ARFGEF1: variants seen among roughly 807,000 people sequenced by gnomAD.
ARFGEF1 encodes the protein brefeldin A-inhibited guanine nucleotide-exchange protein 1.
A neutral mutation model predicts 231.0 loss-of-function variants in ARFGEF1; 42 were observed. The ratio of observed to expected loss-of-function variants is 0.18; its 90% confidence interval spans 0.14 to 0.24. The LOEUF (loss-of-function observed/expected upper bound fraction) is 0.24, where lower values mean the gene tolerates loss of function less well. Among genes scored for constraint, ARFGEF1 ranks in the 10% least tolerant of loss-of-function variants. The pLI is 1.00. For missense variants in ARFGEF1, 1,345 were observed against 2,192.0 expected, an observed-to-expected ratio of 0.61 and a Z score of 7.72; for synonymous variants, 710 against 732.3, an observed-to-expected ratio of 0.97 and a Z score of 0.49.
chr8:67,228,818 GCTTTGCCCATTCTT>G (rs1310653178), intron 23 of ARFGEF1, among the ~76,000 whole-genome samples: 1 of 152,040 alleles, frequency 6.6e-6, no homozygotes, highest in Non-Finnish European at 1.5e-5. Context: ...ACACTGCCCA[GCTTTGCCCATTCTT>G]CTTTGCTGAG....
At chr8:67,234,911 A>G (rs949772441) in intron 22 of ARFGEF1, among the ~76,000 whole-genome samples, 2 of 152,002 alleles carry the variant, frequency 1.3e-5, no homozygotes, top group African/African-American at 4.8e-5. Flanking sequence ...GTCAAGGCAA[A>G]CTTGACACGC....
intron 38 of ARFGEF1, chr8:67,199,376 G>A (rs1389106040): frequency 3.4e-6 from 1 of 294,656 alleles, no homozygotes; most frequent in Admixed American, 5.3e-5. Context: ...TGGGTAATAA[G>A]CAGCAGGCAA....
intron 1 of ARFGEF1, among the ~76,000 whole-genome samples, chr8:67,305,111 T>C (rs1806678605): frequency 6.6e-6 from 1 of 152,132 alleles, no homozygotes; most frequent in South Asian, 2.1e-4. Flanking sequence ...AATGAAACAT[T>C]TTAAAGAGCA....
intron 1 of ARFGEF1, among the ~76,000 whole-genome samples, chr8:67,304,540 G>A (rs1176425636): frequency 6.6e-6 from 1 of 152,176 alleles, no homozygotes. Context: ...GAAAATATAT[G>A]TGTGGGCTGG....
intron 34 of ARFGEF1, among the ~76,000 whole-genome samples, chr8:67,209,352 T>C (rs1838639665): frequency 6.6e-6 from 1 of 152,244 alleles, no homozygotes; most frequent in African/African-American, 2.4e-5. Context: ...TATGATTCCA[T>C]TTATATGAAA....
rs148207759 is a variant in ARFGEF1, at chr8:67,231,174, C to T, written c.3380+1681G>A. Among the ~76,000 whole-genome samples the T allele has an allele frequency of 6.0e-4, 92 of 152,070 alleles. 2 individuals carry two copies. The East Asian group carries it at 0.015, about 26-fold the overall frequency. ...GTTGGGTAATGGACCAAAGTTTGAA[C>T]ATAACGATATGAAAATAAACTCAGA... On this transcript the variant is annotated intron_variant, in intron 23 of 38. Coordinates refer to ENST00000262215, the MANE Select transcript of ARFGEF1 (RefSeq NM_006421.5).
chr8:67,206,887 A>G (rs1213554760), intron 34 of ARFGEF1, among the ~76,000 whole-genome samples: 1 of 152,206 alleles, frequency 6.6e-6, no homozygotes, highest in African/African-American at 2.4e-5. Context: ...AAAACATTTT[A>G]CTACAAATTC....
intron 1 of ARFGEF1, among the ~76,000 whole-genome samples, chr8:67,310,800 G>T (rs1192361342): frequency 6.6e-6 from 1 of 151,768 alleles, no homozygotes; most frequent in Non-Finnish European, 1.5e-5. Context: ...CATCTGAGAA[G>T]TGAAGAGACC....
At chr8:67,257,390 A>AT (rs1308276478) in intron 17 of ARFGEF1, among the ~76,000 whole-genome samples, 3 of 152,130 alleles carry the variant, frequency 2.0e-5, no homozygotes, top group Non-Finnish European at 4.4e-5. Flanking sequence ...CTGAAACATT[A>AT]TATTTTTTAG....
intron 14 of ARFGEF1, among the ~76,000 whole-genome samples, chr8:67,264,709 G>A (rs541194986): frequency 8.3e-4 from 126 of 152,230 alleles, no homozygotes; most frequent in Middle Eastern, 6.8e-3. Context: ...CTCATCAATG[G>A]CTGTATTAAG....
At chr8:67,267,616 A>G (rs1001980793) in intron 10 of ARFGEF1, among the ~76,000 whole-genome samples, 174 bp from the exon 11 acceptor site, 1 of 152,160 alleles carries the variant, frequency 6.6e-6, no homozygotes, top group Non-Finnish European at 1.5e-5. Context: ...TGGGTAAGTG[A>G]CTTAAACTTG....
intron 1 of ARFGEF1, among the ~76,000 whole-genome samples, chr8:67,329,186 A>G (rs1448743004): frequency 6.6e-6 from 1 of 152,182 alleles, no homozygotes; most frequent in African/African-American, 2.4e-5. Flanking sequence ...ACATGGCACC[A>G]CCGCACTCCA....
rs759384353 is a variant in ARFGEF1, at chr8:67,211,512, T to C, written c.4790A>G (p.Glu1597Gly). The C allele has an allele frequency of 6.9e-6, 11 of 1,587,500 alleles. No individual in the cohort carries two copies. In the South Asian group the frequency reaches 1.3e-4, roughly 19 times the overall value. ...APLVSASAVN[E>G]EVSKIKSTAK... ...TGTAGATTTAATTTTGCTGACTTCTTCATTAACAGCAGACGCAGAAACCAG... is the reference window on the plus strand; with the variant it reads ...TGTAGATTTAATTTTGCTGACTTCTCCATTAACAGCAGACGCAGAAACCAG... Residue 1597 changes from glutamate to glycine, a missense_variant, in exon 34 of 39, where the codon GAA (glutamate) becomes GGA (glycine). By Grantham distance (98) the Glu-to-Gly change is moderately conservative. Coordinates refer to ENST00000262215, the MANE Select transcript of ARFGEF1 (RefSeq NM_006421.5).
intron 22 of ARFGEF1, among the ~76,000 whole-genome samples, chr8:67,234,399 T>C (rs1345684058): frequency 1.3e-5 from 2 of 152,100 alleles, no homozygotes; most frequent in South Asian, 2.1e-4. Context: ...TGTTAGCTCA[T>C]AGAAAGGCTT....
intron 1 of ARFGEF1, among the ~76,000 whole-genome samples, chr8:67,303,431 C>T (rs891143233): frequency 2.0e-5 from 3 of 152,170 alleles, no homozygotes; most frequent in Non-Finnish European, 2.9e-5. Context: ...ATTTAATTGG[C>T]TGAGCACAGT....
intron 1 of ARFGEF1, among the ~76,000 whole-genome samples, chr8:67,334,179 T>C (rs1808236268): frequency 6.6e-6 from 1 of 151,160 alleles, no homozygotes; most frequent in Admixed American, 6.6e-5. Context: ...AAAATTACCT[T>C]TGGATTGTGT....
At chr8:67,222,186 T>TATATAC (rs1839198273) in intron 29 of ARFGEF1, among the ~76,000 whole-genome samples, 2 of 127,998 alleles carry the variant, frequency 1.6e-5, no homozygotes, top group African/African-American at 6.3e-5. Context: ...TATACACATA[T>TATATAC]ATATATATAT....
At chr8:67,200,820 T>G (rs986135059) in intron 37 of ARFGEF1, among the ~76,000 whole-genome samples, 1 of 152,178 alleles carries the variant, frequency 6.6e-6, no homozygotes, top group African/African-American at 2.4e-5. Context: ...TCAAGAGACC[T>G]GGACTGGAAT....
At chr8:67,217,754 A>T (rs2128865322) in intron 32 of ARFGEF1, 28 bp downstream of exon 32, 1 of 1,604,482 alleles carries the variant, frequency 6.2e-7, no homozygotes, top group Non-Finnish European at 8.5e-7. Flanking sequence ...TACAAATATA[A>T]ATGTAAAGTT....
Sources: allele counts gnomAD v4.1 joint callset (sites outside exome capture counted in the v4.1 genomes callset), GRCh38; gene constraint gnomAD v4.1.1; transcripts MANE v1.5; gene names NCBI Gene and HGNC (gene_info 2026-07-23, HGNC 2026-07-21).